Variants in LMBRD1 observed in about 807,000 individuals in gnomAD.
The protein encoded by LMBRD1 is LMBR1 domain containing 1, also known as lysosomal cobalamin transport escort protein LMBD1.
Under a neutral mutation model 74.8 loss-of-function variants are expected in LMBRD1, and 64 were observed. The ratio of observed to expected loss-of-function variants is 0.86; its 90% CI spans 0.70 to 1.05. The LOEUF (loss-of-function observed/expected upper bound fraction) is 1.05. Among genes scored for constraint, LMBRD1 ranks in the 50% least tolerant of loss-of-function variants. The pLI is 0.00. For synonymous variants in LMBRD1, 204 were observed against 216.3 expected, an observed-to-expected ratio of 0.94 and a Z score of 0.50; for missense variants, 652 against 645.9, an observed-to-expected ratio of 1.01 and a Z score of -0.10.
chr6:69,759,470 C>CA (rs1765332707), intron 3 of LMBRD1, among the ~76,000 whole-genome samples: 1 of 150,248 alleles, frequency 6.7e-6, no homozygotes, highest in South Asian at 2.1e-4. Context: ...AAAAAACAAA[C>CA]CAAAAAAAAA....
intron 4 of LMBRD1, among the ~76,000 whole-genome samples, chr6:69,750,673 T>C (rs1342351613): frequency 3.3e-5 from 5 of 152,140 alleles, no homozygotes; most frequent in African/African-American, 1.2e-4. Context: ...TAGAAGAATG[T>C]GCACTTTGGA....
chr6:69,699,062 C>G lies in LMBRD1; in HGVS notation c.1319G>C (p.Ser440Thr), dbSNP rs1020746266. The change falls in exon 13 of 16, where the codon AGC becomes ACC. Residue 440 changes from serine to threonine, a missense_variant. Physicochemically the swap from Ser to Thr is moderately conservative, Grantham distance 58 (BLOSUM62 1). This residue lies in a region of LMBRD1 where 598 missense variants were observed against 581.8 expected (regional missense o/e 1.03). Transcript: ENST00000649934. ...SLAPQYVMYG[S>T]QNYLIETNIT... Reference sequence around the variant, plus strand: ...ACTTACCTCTATTAAGTAATTTTGGCTTCCATACATAACATATTGGGGAGC... The same window carrying G: ...ACTTACCTCTATTAAGTAATTTTGGGTTCCATACATAACATATTGGGGAGC... 2 of 1,599,772 alleles carry G rather than the reference C, an allele frequency of 1.3e-6. No individual in the cohort carries two copies. The highest frequency in any genetic ancestry group is 2.7e-5 in the African/African-American group (2 of 74,646).
In LMBRD1 at chr6:69,701,887, ACTTT is replaced by A. The variant is rs773786281; in HGVS notation, c.978_980+1del. 3 of 1,581,416 alleles carry A rather than the reference ACTTT, an allele frequency of 1.9e-6. No individual in the cohort carries two copies. The highest frequency in any genetic ancestry group is 2.6e-6 in the Non-Finnish European group (3 of 1,151,234). On this transcript the variant is annotated splice_donor_variant and coding_sequence_variant, in exon 10 of 16. Transcript: ENST00000649934. LOFTEE classifies it high-confidence loss of function. ...TTTAGAAAATGTGTCTACTGTACTT[ACTTT>A]GACAAGAAGAGAGAAATTACAAACA...
At chr6:69,736,943 CACATAAAA>C (rs1232786438) in intron 7 of LMBRD1, among the ~76,000 whole-genome samples, 1 of 152,064 alleles carries the variant, frequency 6.6e-6, no homozygotes, top group Non-Finnish European at 1.5e-5. Flanking sequence ...TATGTGGTAT[CACATAAAA>C]ACACAAAAAT....
intron 3 of LMBRD1, among the ~76,000 whole-genome samples, chr6:69,769,977 T>C (rs1562119723): frequency 2.6e-5 from 4 of 152,172 alleles, no homozygotes; most frequent in Admixed American, 1.3e-4. Flanking sequence ...CAATTGCCCC[T>C]GGCTTTTCCT....
intron 3 of LMBRD1, among the ~76,000 whole-genome samples, chr6:69,767,541 CATTAT>C (rs1765496828): frequency 6.6e-6 from 1 of 151,736 alleles, no homozygotes. Context: ...AATTTAATTA[CATTAT>C]GATTGGAAAA....
chr6:69,728,925 A>G (rs1323521665), intron 7 of LMBRD1, among the ~76,000 whole-genome samples: 1 of 152,184 alleles, frequency 6.6e-6, no homozygotes, highest in Non-Finnish European at 1.5e-5. Context: ...AACCAGAGCA[A>G]TTCTACTTGT....
At chr6:69,680,381 G>A (rs1371619784) in intron 14 of LMBRD1, among the ~76,000 whole-genome samples, 2 of 151,988 alleles carry the variant, frequency 1.3e-5, no homozygotes, top group Admixed American at 1.3e-4. Flanking sequence ...GTCAGAACTT[G>A]ACAAAATTAG....
intron 1 of LMBRD1, among the ~76,000 whole-genome samples, chr6:69,792,159 G>GTC (rs926092142): frequency 1.3e-5 from 2 of 152,178 alleles, no homozygotes; most frequent in African/African-American, 4.8e-5. Context: ...CTCACCGTGT[G>GTC]TCTCTCTCTT....
At chr6:69,722,181 G>C (rs1013469582) in intron 7 of LMBRD1, among the ~76,000 whole-genome samples, 1 of 152,126 alleles carries the variant, frequency 6.6e-6, no homozygotes, top group Non-Finnish European at 1.5e-5. Flanking sequence ...CCCTAGAATA[G>C]TATATCCAGT....
At chr6:69,695,547 T>C (rs2149841461) in intron 14 of LMBRD1, among the ~76,000 whole-genome samples, 1 of 152,320 alleles carries the variant, frequency 6.6e-6, no homozygotes, top group African/African-American at 2.4e-5. Flanking sequence ...CTTATACACA[T>C]CATCCCACAT....
In LMBRD1 at chr6:69,701,510, G is replaced by GA. The variant is rs749573257; in HGVS notation, c.1015dup (p.Ser339PhefsTer9). On this transcript the variant is annotated frameshift_variant, in exon 11 of 16. Coordinates refer to ENST00000649934, the MANE Select transcript of LMBRD1 (RefSeq NM_018368.4). LOFTEE classifies it high-confidence loss of function. ...GTTAGCTCCAAAAATTATGAAACCA[G>GA]AATCTATTCCAGCTGAATGAAGAGC... 3 of 1,607,242 alleles carry GA rather than the reference G, an allele frequency of 1.9e-6. No individual in the cohort carries two copies. The highest frequency in any genetic ancestry group is 2.6e-6 in the Non-Finnish European group (3 of 1,175,392).
intron 14 of LMBRD1, among the ~76,000 whole-genome samples, chr6:69,681,444 T>A (rs1582040105): frequency 6.6e-6 from 1 of 152,018 alleles, no homozygotes; most frequent in Non-Finnish European, 1.5e-5. Flanking sequence ...GTATCTTGAC[T>A]GCCACTAAGA....
intron 14 of LMBRD1, 97 bp from the exon 15 acceptor site, chr6:69,676,638 T>A (rs911748570): frequency 1.1e-6 from 1 of 933,496 alleles, no homozygotes; most frequent in Non-Finnish European, 1.7e-6. Context: ...AGCTAATGAC[T>A]AAGATCATAT....
chr6:69,720,532 T>C (rs1766591703), intron 7 of LMBRD1, among the ~76,000 whole-genome samples: 1 of 152,154 alleles, frequency 6.6e-6, no homozygotes, highest in African/African-American at 2.4e-5. Context: ...GATTTCAGAA[T>C]TTTTTGGACT....
At chr6:69,770,556 C>T (rs1313058533) in intron 3 of LMBRD1, among the ~76,000 whole-genome samples, 1 of 152,130 alleles carries the variant, frequency 6.6e-6, no homozygotes, top group African/African-American at 2.4e-5. Flanking sequence ...CTTAACAACA[C>T]GGAAGTACAC....
intron 3 of LMBRD1, among the ~76,000 whole-genome samples, chr6:69,753,808 G>A (rs529627786): frequency 4.6e-5 from 7 of 152,056 alleles, no homozygotes; most frequent in Non-Finnish European, 7.4e-5. Context: ...GGGCGTGGTC[G>A]TGGGCACCTG....
At chr6:69,706,101 A>C in intron 9 of LMBRD1, 1 of 647,266 alleles carries the variant, frequency 1.5e-6, no homozygotes, top group Non-Finnish European at 2.9e-6. Context: ...GTAGTTCACA[A>C]CCAAATAGAT....
chr6:69,719,633 CAT>C (rs1469832699), intron 7 of LMBRD1, among the ~76,000 whole-genome samples: 2 of 152,058 alleles, frequency 1.3e-5, no homozygotes, highest in Non-Finnish European at 2.9e-5. Context: ...TAAGAATAAA[CAT>C]GTTATTATAT....
Sources: allele counts gnomAD v4.1 joint callset (sites outside exome capture counted in the v4.1 genomes callset), GRCh38; gene constraint gnomAD v4.1.1; regional missense constraint gnomAD v4.1.1; transcripts MANE v1.5; gene names NCBI Gene and HGNC (gene_info 2026-07-23, HGNC 2026-07-21).